LINGO2: variants seen among roughly 807,000 people sequenced by gnomAD.
LINGO2 encodes leucine rich repeat and Ig domain containing 2.
LINGO2 carries 14 observed loss-of-function variants against 30.6 expected under a neutral mutation model. That is an observed-to-expected ratio of 0.46 (90% CI 0.30 to 0.72). The LOEUF is 0.72. Among genes scored for constraint, LINGO2 ranks in the 30% least tolerant of loss-of-function variants. LINGO2 has a pLI of 0.07. For synonymous variants in LINGO2, 317 were observed against 288.5 expected (o/e 1.10, Z -1.00); for missense variants, 729 against 751.7 (o/e 0.97, Z 0.35).
chr9:28,437,593 C>CA (rs1824004643), intron 2 of LINGO2, among the ~76,000 whole-genome samples: 6 of 147,436 alleles, frequency 4.1e-5, no homozygotes, highest in African/African-American at 1.6e-4. Flanking sequence ...GCACACACAC[C>CA]CACACACACA....
At chr9:29,125,632 A>G in the LINGO2 span, among the ~76,000 whole-genome samples, 2 of 152,154 alleles carry the variant, frequency 1.3e-5, no homozygotes, top group African/African-American at 2.4e-5. Context: ...GAGAACAACC[A>G]ATAAATATAA....
At chr9:28,795,973 C>T in the LINGO2 span, among the ~76,000 whole-genome samples, 2 of 124,656 alleles carry the variant, frequency 1.6e-5, no homozygotes, top group Non-Finnish European at 3.3e-5. Flanking sequence ...TCTATATGGC[C>T]AGTACTAGAT....
At chr9:28,866,685 A>G in the LINGO2 span, among the ~76,000 whole-genome samples, 1 of 152,168 alleles carries the variant, frequency 6.6e-6, no homozygotes, top group Non-Finnish European at 1.5e-5. Context: ...TTGCCAAAAA[A>G]TTCTGAGTGC....
the LINGO2 span, among the ~76,000 whole-genome samples, chr9:28,703,555 A>T: frequency 6.6e-6 from 1 of 151,940 alleles, no homozygotes; most frequent in East Asian, 1.9e-4. Context: ...AGCTTGAAAA[A>T]AACGTGTATT....
the LINGO2 span, among the ~76,000 whole-genome samples, chr9:29,211,616 TCAG>T: frequency 6.6e-6 from 1 of 151,810 alleles, no homozygotes; most frequent in African/African-American, 2.4e-5. Flanking sequence ...TCCAAGTATT[TCAG>T]CAGCTTTCCT....
the LINGO2 span, among the ~76,000 whole-genome samples, chr9:29,088,411 C>T: frequency 6.6e-6 from 1 of 152,182 alleles, no homozygotes; most frequent in South Asian, 2.1e-4. Context: ...TCTGAGTAAA[C>T]CATAAAGGCA....
chr9:29,189,374 A>G, the LINGO2 span, among the ~76,000 whole-genome samples: 2 of 143,858 alleles, frequency 1.4e-5, no homozygotes, highest in African/African-American at 5.3e-5. Flanking sequence ...CACTTCTCAG[A>G]CGGGGCGGTT....
At chr9:28,241,245 G>C (rs1363850678) in intron 4 of LINGO2, among the ~76,000 whole-genome samples, 1 of 125,332 alleles carries the variant, frequency 8.0e-6, no homozygotes, top group Non-Finnish European at 1.6e-5. Flanking sequence ...CTCCAGCCTG[G>C]TGACAAAGCA....
At chr9:29,123,974 C>T in the LINGO2 span, among the ~76,000 whole-genome samples, 1 of 152,054 alleles carries the variant, frequency 6.6e-6, no homozygotes, top group Non-Finnish European at 1.5e-5. Context: ...AGCTAAATAA[C>T]AAAGCTGGAG....
chr9:28,080,324 T>G (rs1441362616), intron 4 of LINGO2, among the ~76,000 whole-genome samples: 8 of 152,180 alleles, frequency 5.3e-5, no homozygotes, highest in African/African-American at 1.7e-4. Flanking sequence ...TTTTCCAGCT[T>G]CTTCTTCTGT....
At chr9:28,290,675 G>A (rs1006776487) in intron 4 of LINGO2, among the ~76,000 whole-genome samples, 9 of 152,200 alleles carry the variant, frequency 5.9e-5, no homozygotes, top group African/African-American at 2.2e-4. Context: ...GAGGGGCAAG[G>A]AAGCAATCAT....
chr9:29,026,042 C>CT, the LINGO2 span, among the ~76,000 whole-genome samples: 1 of 151,260 alleles, frequency 6.6e-6, no homozygotes, highest in South Asian at 2.1e-4. Flanking sequence ...TTTTTCTTTT[C>CT]TTTTTTTTGG....
At chr9:27,949,608 T>G (rs1587508489) in exon 6 of LINGO2, 2 of 1,613,844 alleles carry the variant, frequency 1.2e-6, no homozygotes, top group Non-Finnish European at 1.7e-6. Context: ...GGCCAGAGGG[T>G]TGTTGTTAAT....
intron 4 of LINGO2, among the ~76,000 whole-genome samples, chr9:28,039,915 G>C (rs901037738): frequency 3.3e-5 from 5 of 152,116 alleles, no homozygotes. Flanking sequence ...TGGAGGATCA[G>C]CTCCATGGGG....
chr9:28,437,548 C>T (rs565304720), intron 2 of LINGO2, among the ~76,000 whole-genome samples: 14 of 70,050 alleles, frequency 2.0e-4, no homozygotes, highest in South Asian at 1.4e-3. Context: ...TACACACAGA[C>T]GCACACACAC....
chr9:28,412,998 G>C (rs1013004408), intron 2 of LINGO2, among the ~76,000 whole-genome samples: 19 of 151,948 alleles, frequency 1.3e-4, no homozygotes, highest in African/African-American at 4.6e-4. Context: ...TCTACTTAAT[G>C]AATAGTAAAT....
the LINGO2 span, among the ~76,000 whole-genome samples, chr9:28,744,639 T>TGTGTGTGTGTGTGTGTG: frequency 1.5e-4 from 21 of 141,530 alleles, no homozygotes; most frequent in South Asian, 2.2e-4. Context: ...TGTGTGTGTG[T>TGTGTGTGTGTGTGTGTG]ATTTTTTTTT....
At chr9:29,138,095 T>C in the LINGO2 span, among the ~76,000 whole-genome samples, 1 of 152,028 alleles carries the variant, frequency 6.6e-6, no homozygotes, top group Non-Finnish European at 1.5e-5. Context: ...CGGATTATAC[T>C]ATGCTGCTTT....
At chr9:28,290,144 T>C (rs977276221) in intron 4 of LINGO2, among the ~76,000 whole-genome samples, 4 of 152,288 alleles carry the variant, frequency 2.6e-5, no homozygotes, top group African/African-American at 9.6e-5. Flanking sequence ...TAAGTAATTT[T>C]GTTAGGGTCA....
Sources: gnomAD v4.1 joint callset for allele counts (sites outside exome capture counted in the v4.1 genomes callset) on GRCh38, gnomAD v4.1.1 for gene constraint, MANE v1.5 for transcripts, NCBI Gene and HGNC (gene_info 2026-07-23, HGNC 2026-07-21) for gene names.